Variants in LRIT3 observed in about 807,000 individuals in gnomAD.
LRIT3 encodes the protein leucine rich repeat, Ig-like and transmembrane domains 3.
LRIT3 carries 14 observed loss-of-function variants against 22.6 expected under a neutral mutation model. The ratio of observed to expected loss-of-function variants is 0.62; its 90% CI spans 0.41 to 0.97. LRIT3 has a LOEUF of 0.97. LRIT3 is among the 50% of genes least tolerant of loss of function. LRIT3 has a pLI of 0.00. For synonymous variants in LRIT3, 306 were observed against 304.5 expected (o/e 1.01, Z -0.05); for missense variants, 783 against 803.0 (o/e 0.98, Z 0.30).
In LRIT3 at chr4:109,870,126, T is replaced by C. The variant is rs922193681; in HGVS notation, c.1377T>C (p.Ser459=). 30 of 1,614,026 alleles carry C rather than the reference T, an allele frequency of 1.9e-5. No homozygotes were observed. The highest frequency in any genetic ancestry group is 2.5e-5 in the Non-Finnish European group (29 of 1,180,022). ...ATTTAAAGGTGGCAAAGAATGGAAG[T>C]AAGCTTCCTCCAGCCAGCACAAGTA... ...KRNLKVAKNG[S]KLPPASTSKK... is the part of the protein sequence containing the mutation. The change falls in exon 4 of 4, where the codon AGT becomes AGC. Residue 459 remains serine (S), a synonymous_variant. Transcript: ENST00000594814.
rs17040904 is a variant in LRIT3 at position 109,851,555 on chromosome 4, C to T, written c.168C>T (p.Pro56=). The change falls in exon 2 of 4, where the codon CCC becomes CCT. Residue 56 remains proline (P), a synonymous_variant. Coordinates refer to ENST00000594814, the MANE Select transcript of LRIT3 (RefSeq NM_198506.5). ...MDMNELPTNL[P]VDTVKLRIEK... is the part of the protein sequence containing the mutation. ...TGAACGAGCTGCCTACGAACCTCCC[C>T]GTGGACACTGTGAAGCTTCGCATAG... 0.05 allele frequency: 77,664 copies of T among 1,551,632 alleles called. 2,166 individuals carry two copies. Among genetic ancestry groups the T allele is most frequent in the Middle Eastern group, 0.068 (402 of 5,902 alleles).
Position 109,848,145 on chromosome 4 carries a change from T to C in LRIT3, c.-57T>C. ...TGTTTGTATTCCAGGCATACCAGGT[T>C]CTGAATGCTTAGGATTCGGTTTTTA... On this transcript the variant is annotated 5_prime_UTR_variant, in exon 1 of 4. Coordinates refer to ENST00000594814, the MANE Select transcript of LRIT3 (RefSeq NM_198506.5). 1.1e-6 allele frequency: 1 copy of C among 903,526 alleles called. No homozygotes were observed. The highest frequency in any genetic ancestry group is 1.5e-6 in the Non-Finnish European group (1 of 688,062). The allele number at this position is 903,526 out of a possible 1,614,324, so 56.0% of individuals were successfully genotyped here.
chr4:109,859,937 A>C (rs1734494081), intron 2 of LRIT3, among the ~76,000 whole-genome samples: 1 of 152,250 alleles, frequency 6.6e-6, no homozygotes, highest in South Asian at 2.1e-4. Context: ...GTCTCCCTAC[A>C]TAAGGTGAGG....
intron 2 of LRIT3, among the ~76,000 whole-genome samples, chr4:109,854,091 T>C (rs983927908): frequency 6.6e-6 from 1 of 152,182 alleles, no homozygotes; most frequent in African/African-American, 2.4e-5. Flanking sequence ...CCATATGAAA[T>C]TTAAAGTAGT....
rs1734795585 is a variant in LRIT3, at chr4:109,870,217, C to G, written c.1468C>G (p.Leu490Val). ...LTETNAAIEN[L>V]RVVSETKESV... Reference sequence around the variant, plus strand: ...GGAGACAAATGCCGCAATAGAAAACCTCAGGGTGGTCAGTGAGACTAAAGA... The same window carrying G: ...GGAGACAAATGCCGCAATAGAAAACGTCAGGGTGGTCAGTGAGACTAAAGA... The change falls in exon 4 of 4, where the codon CTC becomes GTC. Residue 490 changes from leucine to valine, a missense_variant. Leu to Val is a conservative substitution (Grantham distance 32, BLOSUM62 1). This residue lies in a region of LRIT3 where 756 missense variants were observed against 753.8 expected (regional missense o/e 1.00). Coordinates refer to ENST00000594814, the MANE Select transcript of LRIT3 (RefSeq NM_198506.5). 1 of 1,614,180 alleles carries G rather than the reference C, an allele frequency of 6.2e-7. No homozygotes were observed. Among genetic ancestry groups the G allele is most frequent in the African/African-American group, 1.3e-5 (1 of 75,052 alleles).
intron 2 of LRIT3, among the ~76,000 whole-genome samples, chr4:109,858,591 T>A (rs1000442588): frequency 6.6e-6 from 1 of 152,164 alleles, no homozygotes; most frequent in Admixed American, 6.5e-5. Context: ...AGATTGAACA[T>A]CTTTCCACCA....
chr4:109,860,155 G>T (rs6533470), intron 2 of LRIT3, among the ~76,000 whole-genome samples: 92,582 of 152,024 alleles, frequency 0.61, 28,571 homozygotes, highest in Non-Finnish European at 0.65. Flanking sequence ...TATTCTGTAA[G>T]TCCTGACACT....
In LRIT3 at chr4:109,870,845, G is replaced by C. The variant is rs983461462; in HGVS notation, c.*56G>C. ...AAAACTAGCATCTAAGGGTATAATT[G>C]ACCCTAGGTTTGGATGACTTTTGGA... On this transcript the variant is annotated 3_prime_UTR_variant, in exon 4 of 4. Transcript: ENST00000594814. 16 of 1,493,194 alleles carry C rather than the reference G, an allele frequency of 1.1e-5. No individual in the cohort carries two copies. Among genetic ancestry groups the C allele is most frequent in the Admixed American group, 6.8e-5 (3 of 44,362 alleles). The allele number at this position is 1,493,194 out of a possible 1,614,324, so 92.5% of individuals were successfully genotyped here. A position where few individuals can be genotyped will look rare whatever the true frequency, so the allele number is the denominator to read the frequency against.
In LRIT3 at chr4:109,850,432, T is replaced by C. The variant is rs1392270326; in HGVS notation, c.117-1072T>C. 6.1e-3 allele frequency among the ~76,000 whole-genome samples: 496 copies of C among 80,932 alleles called. 11 individuals carry two copies. The highest frequency in any genetic ancestry group is 0.018 in the African/African-American group (334 of 19,068). 53.1% of individuals were successfully genotyped at this position (80,932 alleles called of 152,430 possible). On this transcript the variant is annotated intron_variant, in intron 1 of 3. Coordinates refer to ENST00000594814, the MANE Select transcript of LRIT3 (RefSeq NM_198506.5). ...CTTCCTTCCTTCCTTCCTTTCTTTC[T>C]TTCTTTCTTTCTTTCTTTCTTTCTT...
chr4:109,862,314 T>A (rs1337525590), intron 2 of LRIT3, among the ~76,000 whole-genome samples: 1 of 152,232 alleles, frequency 6.6e-6, no homozygotes, highest in African/African-American at 2.4e-5. Flanking sequence ...TTAGTGTAAT[T>A]GTAGTTGATG....
chr4:109,860,068 A>AAACC (rs1443930650), intron 2 of LRIT3, among the ~76,000 whole-genome samples: 1 of 152,170 alleles, frequency 6.6e-6, no homozygotes, highest in Non-Finnish European at 1.5e-5. Context: ...ATTAACTATA[A>AAACC]AACCAGGTTT....
chr4:109,849,306 G>A (rs928252862), intron 1 of LRIT3, among the ~76,000 whole-genome samples: 1 of 152,212 alleles, frequency 6.6e-6, no homozygotes, highest in African/African-American at 2.4e-5. Context: ...CTTGTCCAGG[G>A]ACGTGTAGCA....
intron 2 of LRIT3, among the ~76,000 whole-genome samples, chr4:109,852,886 C>T (rs924494647): frequency 2.6e-5 from 4 of 152,126 alleles, no homozygotes; most frequent in African/African-American, 4.8e-5. Flanking sequence ...ATGGTTTCCA[C>T]TTTCATTCAT....
intron 2 of LRIT3, among the ~76,000 whole-genome samples, chr4:109,860,789 A>G (rs1734517410): frequency 6.6e-6 from 1 of 152,256 alleles, no homozygotes; most frequent in South Asian, 2.1e-4. Context: ...AAATGGAATC[A>G]TATAAGATGA....
rs1734269232 is a variant in LRIT3, at chr4:109,851,574, C to T, written c.187C>T (p.Arg63Cys). The change falls in exon 2 of 4, where the codon CGC becomes TGC. Residue 63 changes from arginine (R) to cysteine (C), a missense_variant. Coordinates refer to ENST00000594814, the MANE Select transcript of LRIT3 (RefSeq NM_198506.5). ...TNLPVDTVKL[R>C]IEKTVIRRIS... The stretch of plus-strand genomic sequence containing the variant: ...CCTCCCCGTGGACACTGTGAAGCTT[C>T]GCATAGAGAAGACTGTCATCCGCAG... The T allele has an allele frequency of 2.6e-6, 4 of 1,551,908 alleles. No individual in the cohort carries two copies. Among genetic ancestry groups the T allele is most frequent in the East Asian group, 2.4e-5 (1 of 40,916 alleles).
In LRIT3 at chr4:109,870,705, G is replaced by T. The variant is rs752020151; in HGVS notation, c.1956G>T (p.Glu652Asp). The change falls in exon 4 of 4, where the codon GAG becomes GAT. Residue 652 changes from glutamate to aspartate, a missense_variant. This residue lies in a region of LRIT3 where 756 missense variants were observed against 753.8 expected (regional missense o/e 1.00). Transcript: ENST00000594814. ...CACGAAGCCACAGGGATGACTCAGAGAAATTGCTGCTTTGTTCTAGGTCAA... is the reference window on the plus strand; with the variant it reads ...CACGAAGCCACAGGGATGACTCAGATAAATTGCTGCTTTGTTCTAGGTCAA... Reference protein sequence around the residue: ...LWTRSHRDDSEKLLLCSRSSV... With the variant: ...LWTRSHRDDSDKLLLCSRSSV... 6.2e-7 allele frequency: 1 copy of T among 1,614,172 alleles called. No individual in the cohort carries two copies. The highest frequency in any genetic ancestry group is 8.5e-7 in the Non-Finnish European group (1 of 1,180,016).
At chr4:109,853,780 G>A (rs1734333166) in intron 2 of LRIT3, among the ~76,000 whole-genome samples, 1 of 151,968 alleles carries the variant, frequency 6.6e-6, no homozygotes, top group South Asian at 2.1e-4. Context: ...GTAAGGAAAG[G>A]GTGCAGTTTC....
At chr4:109,849,041 G>A (rs1734145064) in intron 1 of LRIT3, among the ~76,000 whole-genome samples, 1 of 149,674 alleles carries the variant, frequency 6.7e-6, no homozygotes, top group South Asian at 2.1e-4. Context: ...TTTTTTGAGA[G>A]GTTATTTAAT....
chr4:109,861,167 G>T lies in LRIT3; in HGVS notation c.590-6474G>T, dbSNP rs144398511. On this transcript the variant is annotated intron_variant, in intron 2 of 3. Coordinates refer to ENST00000594814, the MANE Select transcript of LRIT3 (RefSeq NM_198506.5). The stretch of plus-strand genomic sequence containing the variant: ...GCAGATCACTTTTAGTCAGGAGTTT[G>T]AGACCAGCCTGGTCAATGTGGCGAA... 1.3e-4 allele frequency among the ~76,000 whole-genome samples: 20 copies of T among 152,190 alleles called. No homozygotes were observed. The East Asian group carries it at 3.9e-3, about 29-fold the overall frequency.
Sources: allele counts gnomAD v4.1 joint callset (sites outside exome capture counted in the v4.1 genomes callset), GRCh38; gene constraint gnomAD v4.1.1; regional missense constraint gnomAD v4.1.1; transcripts MANE v1.5; gene names NCBI Gene and HGNC (gene_info 2026-07-23, HGNC 2026-07-21).